CNTN5: variants seen among roughly 807,000 people sequenced by gnomAD.
CNTN5 encodes contactin-5.
Under a neutral mutation model 129.1 loss-of-function variants are expected in CNTN5, and 77 were observed. The observed-to-expected ratio is 0.60, with a 90% CI of 0.50 to 0.72. The LOEUF (loss-of-function observed/expected upper bound fraction) is 0.72. Ranked by LOEUF, CNTN5 falls within the 30% of genes least tolerant of loss-of-function variation. The pLI, the probability that CNTN5 is intolerant of heterozygous loss-of-function variation, is 0.00. For synonymous variants in CNTN5, 509 were observed against 465.6 expected (o/e 1.09, Z -1.20); for missense variants, 1,478 against 1,328.8 (o/e 1.11, Z -1.75).
rs182493304 is a variant in CNTN5 at position 100,262,173 on chromosome 11, C to G, written c.2164+6255C>G. ...ACTTCCCCAAAAGAAGACATTTATG[C>G]AGCCAACAAATGTATGAAAAAAAGC... On this transcript the variant is annotated intron_variant, in intron 17 of 24. Transcript: ENST00000524871. Among the ~76,000 whole-genome samples, 260 of 152,208 alleles carry G rather than the reference C, an allele frequency of 1.7e-3. 2 individuals are homozygous for G. The highest frequency in any genetic ancestry group is 6.0e-3 in the African/African-American group (248 of 41,536).
intron 3 of CNTN5, among the ~76,000 whole-genome samples, chr11:99,635,305 A>T (rs1170988024): frequency 6.6e-6 from 1 of 152,130 alleles, no homozygotes; most frequent in African/African-American, 2.4e-5. Flanking sequence ...CAGTTTAGCT[A>T]TTTTTTGCTT....
chr11:100,173,815 G>C (rs1400597755), intron 13 of CNTN5, among the ~76,000 whole-genome samples: 3 of 152,102 alleles, frequency 2.0e-5, no homozygotes, highest in Admixed American at 6.6e-5. Flanking sequence ...TGTCCCAGAA[G>C]GGACCACAAC....
At chr11:99,831,758 G>A (rs946565240) in intron 4 of CNTN5, among the ~76,000 whole-genome samples, 1 of 152,092 alleles carries the variant, frequency 6.6e-6, no homozygotes, top group East Asian at 1.9e-4. Flanking sequence ...GATTGTTGTT[G>A]CATAGAATAA....
chr11:100,094,945 C>A (rs1006828575), intron 13 of CNTN5, among the ~76,000 whole-genome samples: 2 of 152,096 alleles, frequency 1.3e-5, no homozygotes, highest in African/African-American at 4.8e-5. Flanking sequence ...CAAGACTTCA[C>A]ATAGAAATTA....
chr11:99,456,081 C>T (rs1459044287), intron 2 of CNTN5, among the ~76,000 whole-genome samples: 2 of 152,064 alleles, frequency 1.3e-5, no homozygotes, highest in African/African-American at 4.8e-5. Flanking sequence ...TTGAATTGCC[C>T]ATTGCTGACG....
At chr11:99,713,885 G>A (rs188965149) in intron 3 of CNTN5, among the ~76,000 whole-genome samples, 1 of 151,894 alleles carries the variant, frequency 6.6e-6, no homozygotes, top group Admixed American at 6.6e-5. Context: ...TATCTGCATA[G>A]CTGAGCAAAA....
At chr11:100,226,699 T>G (rs754993563) in intron 16 of CNTN5, among the ~76,000 whole-genome samples, 7 of 152,182 alleles carry the variant, frequency 4.6e-5, no homozygotes, top group Non-Finnish European at 7.4e-5. Flanking sequence ...AAATATCTTG[T>G]CATTTCTTCC....
chr11:99,116,119 A>G (rs777460549), intron 1 of CNTN5, among the ~76,000 whole-genome samples: 44 of 152,338 alleles, frequency 2.9e-4, no homozygotes, highest in Non-Finnish European at 2.5e-4. Flanking sequence ...ATTTCTTCAC[A>G]ATATAGAGAA....
intron 13 of CNTN5, among the ~76,000 whole-genome samples, chr11:100,161,566 C>T (rs1947446700): frequency 6.6e-6 from 1 of 151,880 alleles, no homozygotes; most frequent in East Asian, 2.0e-4. Flanking sequence ...AATGTCTAAT[C>T]AGAGACTAAA....
intron 18 of CNTN5, among the ~76,000 whole-genome samples, chr11:100,278,778 A>T (rs1446690431): frequency 6.6e-6 from 1 of 151,894 alleles, no homozygotes; most frequent in East Asian, 1.9e-4. Flanking sequence ...CTTCCTTTCC[A>T]ATTTGGATGC....
intron 4 of CNTN5, among the ~76,000 whole-genome samples, chr11:99,838,034 A>G (rs1947361085): frequency 6.6e-6 from 1 of 152,172 alleles, no homozygotes; most frequent in Non-Finnish European, 1.5e-5. Context: ...AAATAGTTAT[A>G]TTAACATGCA....
intron 6 of CNTN5, among the ~76,000 whole-genome samples, chr11:99,857,796 C>G (rs371370120): frequency 1.3e-5 from 2 of 151,968 alleles, no homozygotes; most frequent in Non-Finnish European, 2.9e-5. Flanking sequence ...TCTGACTTTC[C>G]TTTTTAAATA....
At chr11:99,164,444 C>A (rs559896112) in intron 1 of CNTN5, among the ~76,000 whole-genome samples, 1 of 150,758 alleles carries the variant, frequency 6.6e-6, no homozygotes, top group Non-Finnish European at 1.5e-5. Flanking sequence ...TTAGAACAAA[C>A]CAAAAATTAA....
At chr11:100,160,747 G>A (rs371850828) in intron 13 of CNTN5, among the ~76,000 whole-genome samples, 6 of 151,826 alleles carry the variant, frequency 4.0e-5, no homozygotes, top group African/African-American at 7.2e-5. Flanking sequence ...AACATGCACC[G>A]TATGCCAGGA....
chr11:99,451,897 G>C (rs1944314918), intron 2 of CNTN5, among the ~76,000 whole-genome samples: 1 of 152,106 alleles, frequency 6.6e-6, no homozygotes, highest in Non-Finnish European at 1.5e-5. Context: ...TACCTTGAAA[G>C]AGTAATTCAA....
At position 99,456,481 on chromosome 11, in the gene CNTN5, T is replaced by G. The variant is rs909859001; in HGVS notation, c.-70-99664T>G. On this transcript the variant is annotated intron_variant, in intron 2 of 24. Transcript: ENST00000524871. Reference sequence around the variant, plus strand: ...ATTACTGAGAGAATAAATTTTTCCCTTATGTGCAGTGTTATCTAAATCAAT... The same window carrying G: ...ATTACTGAGAGAATAAATTTTTCCCGTATGTGCAGTGTTATCTAAATCAAT... 6.6e-5 allele frequency among the ~76,000 whole-genome samples: 10 copies of G among 152,258 alleles called. No homozygotes were observed. The South Asian group carries it at 2.1e-3, about 32-fold the overall frequency.
At chr11:99,491,719 A>G (rs1946043967) in intron 2 of CNTN5, among the ~76,000 whole-genome samples, 1 of 152,182 alleles carries the variant, frequency 6.6e-6, no homozygotes, top group South Asian at 2.1e-4. Context: ...TATTAGGCTG[A>G]CTGTCTCAAT....
At chr11:99,719,977 A>G (rs1210624204) in intron 3 of CNTN5, among the ~76,000 whole-genome samples, 1 of 152,136 alleles carries the variant, frequency 6.6e-6, no homozygotes, top group African/African-American at 2.4e-5. Context: ...AGACTGAGCT[A>G]GGTAGAAATC....
intron 2 of CNTN5, among the ~76,000 whole-genome samples, chr11:99,466,388 T>C (rs2135256739): frequency 6.6e-6 from 1 of 152,308 alleles, no homozygotes; most frequent in East Asian, 1.9e-4. Context: ...CTGGGATTTT[T>C]ATTATTCTAA....
Sources: allele counts gnomAD v4.1 joint callset (sites outside exome capture counted in the v4.1 genomes callset), GRCh38; gene constraint gnomAD v4.1.1; transcripts MANE v1.5; gene names NCBI Gene and HGNC (gene_info 2026-07-23, HGNC 2026-07-21).